Variants in COQ6 observed in about 807,000 individuals in gnomAD.
COQ6 encodes coenzyme Q6, monooxygenase.
In COQ6, 45 loss-of-function variants were observed where a neutral mutation model predicts 55.5. That is an observed-to-expected ratio of 0.81 (90% CI 0.64 to 1.04). The LOEUF is 1.04. COQ6 is among the 50% of genes least tolerant of loss of function. COQ6 has a pLI of 0.00. For missense variants in COQ6, 550 were observed against 601.3 expected, an observed-to-expected ratio of 0.91 and a Z score of 0.89; for synonymous variants, 206 against 230.5, an observed-to-expected ratio of 0.89 and a Z score of 0.96.
At chr14:73,950,853 G>T (rs2056163030) in intron 1 of COQ6, among the ~76,000 whole-genome samples, 1 of 152,224 alleles carries the variant, frequency 6.6e-6, no homozygotes, top group Admixed American at 6.5e-5. Flanking sequence ...TCCAGGTTTT[G>T]ACTTGTATTT....
In COQ6 at chr14:73,950,329, C is replaced by T. The variant is rs376701815; in HGVS notation, c.-4C>T. ...TTCTGAGTGCGACGGCGCAGGTCTGCACCATGGCGGCCCGGCTTGTCAGCC... is the reference window on the plus strand; with the variant it reads ...TTCTGAGTGCGACGGCGCAGGTCTGTACCATGGCGGCCCGGCTTGTCAGCC... On this transcript the variant is annotated 5_prime_UTR_variant, in exon 1 of 12. Coordinates refer to ENST00000334571, the MANE Select transcript of COQ6 (RefSeq NM_182476.3). 17 of 1,550,364 alleles carry T rather than the reference C, an allele frequency of 1.1e-5. No individual in the cohort carries two copies. The highest frequency in any genetic ancestry group is 4.1e-5 in the African/African-American group (3 of 73,462).
At chr14:73,960,027 T>C in intron 8 of COQ6, 1 of 1,020,104 alleles carries the variant, frequency 9.8e-7, no homozygotes, top group Non-Finnish European at 1.2e-6. Flanking sequence ...GGTTGTGGGC[T>C]GCTGTTAGGC....
rs775053324 is a variant in COQ6 at position 73,959,161 on chromosome 14, G to C, written c.721-1G>C. 1 of 1,614,140 alleles carries C rather than the reference G, an allele frequency of 6.2e-7. No individual in the cohort carries two copies. The highest frequency in any genetic ancestry group is 1.7e-5 in the Admixed American group (1 of 60,014). On this transcript the variant is annotated splice_acceptor_variant, in intron 6 of 11. Coordinates refer to ENST00000334571, the MANE Select transcript of COQ6 (RefSeq NM_182476.3). LOFTEE classifies it high-confidence loss of function. ...AGAAACTTTTCTCCTCTCTGTTGCA[G>C]GCCACAGAAAACAACGTAGCCTGGC...
rs1377831831 is a variant in COQ6 at position 73,958,706 on chromosome 14, C to T, written c.613-265C>T. On this transcript the variant is annotated intron_variant, in intron 5 of 11. Transcript: ENST00000334571. ...CCATACTGAAACTTTCCTTATTGCT[C>T]TCTAGTTCAAATATCAGGAGGGCCT... 3.7e-5 allele frequency: 51 copies of T among 1,376,166 alleles called. 1 individual carries two copies. The South Asian group carries it at 5.0e-4, about 14-fold the overall frequency. 85.2% of individuals were successfully genotyped at this position (1,376,166 alleles called of 1,614,324 possible). A position where few individuals can be genotyped will look rare whatever the true frequency, so the allele number is the denominator to read the frequency against.
rs955522766 is a variant in COQ6, at chr14:73,952,534, G to C, written c.164-901G>C. Reference sequence around the variant, plus strand: ...TCAGGTGTGCCACCATGCCTGGCTAGTTAAAAAAAATTTTTTTTTGTAGAG... The same window carrying C: ...TCAGGTGTGCCACCATGCCTGGCTACTTAAAAAAAATTTTTTTTTGTAGAG... On this transcript the variant is annotated intron_variant, in intron 1 of 11. Transcript: ENST00000334571. 7.3e-5 allele frequency among the ~76,000 whole-genome samples: 11 copies of C among 151,618 alleles called. No homozygotes were observed. The East Asian group carries it at 2.1e-3, about 29-fold the overall frequency.
At position 73,953,421 on chromosome 14, in the gene COQ6, T is replaced by G. The variant is rs745761157; in HGVS notation, c.164-14T>G. On this transcript the variant is annotated splice_polypyrimidine_tract_variant and intron_variant, in intron 1 of 11. Coordinates refer to ENST00000334571, the MANE Select transcript of COQ6 (RefSeq NM_182476.3). ...TTGATTTTCCTAAGATGATATAAAT[T>G]TTCTTTTTTTAAGGATATGATATTC... 3.7e-6 allele frequency: 6 copies of G among 1,606,250 alleles called. No homozygotes were observed. The highest frequency in any genetic ancestry group is 3.3e-5 in the Admixed American group (2 of 59,866).
Position 73,961,811 on chromosome 14 carries a change from T to A in COQ6, c.1285T>A (p.Leu429Ile). 1 of 1,614,174 alleles carries A rather than the reference T, an allele frequency of 6.2e-7. No homozygotes were observed. Among genetic ancestry groups the A allele is most frequent in the South Asian group, 1.1e-5 (1 of 91,084 alleles). The change falls in exon 11 of 12, where the codon TTA becomes ATA. Residue 429 changes from leucine (L) to isoleucine (I), a missense_variant. Coordinates refer to ENST00000334571, the MANE Select transcript of COQ6 (RefSeq NM_182476.3). ...HNTALLAATDLLKRLYSTSAS... is the reference protein window; with the variant it reads ...HNTALLAATDILKRLYSTSAS... ...CACTGCTCTTCTGGCTGCTACAGAC[T>A]TACTAAAAAGGCTCTATTCTACCAG...
intron 4 of COQ6, chr14:73,956,570 G>C (rs940592216): frequency 6.5e-5 from 10 of 152,920 alleles, no homozygotes; most frequent in African/African-American, 2.2e-4. Flanking sequence ...GAGTGAAGTT[G>C]TATCTCATTG....
chr14:73,958,978 C>T lies in COQ6; in HGVS notation c.620C>T (p.Ala207Val). ...GCTCATGTGTCCATGCAGATAGGTG[C>T]AGATGGTCACAACTCCGGAGTACGG... is the stretch of plus-strand genomic sequence containing the variant. ...STFQTKLLIGADGHNSGVRQA... is the reference protein window; with the variant it reads ...STFQTKLLIGVDGHNSGVRQA... Residue 207 changes from alanine (A) to valine (V), a missense_variant, in exon 6 of 12, where the codon GCA becomes GTA. Ala to Val is a moderately conservative substitution (Grantham distance 64, BLOSUM62 0). Coordinates refer to ENST00000334571, the MANE Select transcript of COQ6 (RefSeq NM_182476.3). 1 of 1,613,864 alleles carries T rather than the reference C, an allele frequency of 6.2e-7. No homozygotes were observed. The highest frequency in any genetic ancestry group is 1.1e-5 in the South Asian group (1 of 91,058).
intron 8 of COQ6, chr14:73,960,369 C>T (rs1466274899): frequency 4.1e-6 from 4 of 987,062 alleles, no homozygotes; most frequent in African/African-American, 1.7e-5. Context: ...CTGGAGTAGA[C>T]ACAGCCTTTG....
intron 5 of COQ6, 59 bp from the exon 6 acceptor site, chr14:73,958,912 A>G (rs2056572190): frequency 1.9e-6 from 3 of 1,605,346 alleles, no homozygotes; most frequent in African/African-American, 2.7e-5. Context: ...GCAGAGAAAA[A>G]CTTCTGAAGC....
At position 73,953,475 on chromosome 14, in the gene COQ6, C is replaced by T. The variant is rs138571550; in HGVS notation, c.204C>T (p.Leu68=). The stretch of plus-strand genomic sequence containing the variant: ...TTCATGACAAGAAAATCCTGTTGCT[C>T]GAAGCAGGTCCAAAGAAAGTACTGG... ...IHFHDKKILL[L]EAGPKKVLEK... is the part of the protein sequence containing the mutation. The change falls in exon 2 of 12, where the codon CTC becomes CTT. Residue 68 remains leucine, a synonymous_variant. Transcript: ENST00000334571. The T allele has an allele frequency of 4.1e-5, 66 of 1,613,888 alleles. No homozygotes were observed. In the African/African-American group the frequency reaches 8.3e-4, roughly 20 times the overall value.
At chr14:73,950,078 G>A (rs1465215937), upstream of COQ6, 2 of 1,606,504 alleles carry the variant, frequency 1.2e-6, no homozygotes, top group Admixed American at 1.7e-5. Context: ...GGCAGCAGCG[G>A]TGGCAGCGAG....
At chr14:73,959,603 T>G (rs777514074) in intron 8 of COQ6, 81 bp downstream of exon 8, 3 of 1,603,830 alleles carry the variant, frequency 1.9e-6, no homozygotes, top group Admixed American at 1.7e-5. Context: ...TTGAAACGGA[T>G]CCTTGCCAGG....
At chr14:73,957,129 G>A (rs952972440) in intron 4 of COQ6, among the ~76,000 whole-genome samples, 12 of 149,616 alleles carry the variant, frequency 8.0e-5, no homozygotes, top group Admixed American at 6.0e-4. Context: ...ATGGAGTCTC[G>A]CTCTGTCGCC....
At chr14:73,950,535 C>T in intron 1 of COQ6, 40 bp downstream of exon 1, 1 of 1,569,028 alleles carries the variant, frequency 6.4e-7, no homozygotes, top group South Asian at 1.2e-5. Context: ...GGAAACCGGG[C>T]CGCGGAGGCA....
At chr14:73,957,560 CCTGA>C (rs1311159818) in intron 4 of COQ6, among the ~76,000 whole-genome samples, 1 of 152,096 alleles carries the variant, frequency 6.6e-6, no homozygotes, top group Admixed American at 6.5e-5. Context: ...ACCTCAGCCT[CCTGA>C]CTAACTGGGA....
chr14:73,955,761 T>G, intron 3 of COQ6, 44 bp from the exon 4 acceptor site: 1 of 1,614,016 alleles, frequency 6.2e-7, no homozygotes, highest in Non-Finnish European at 8.5e-7. Context: ...TGGAGTGATG[T>G]TTCCCTCTTG....
chr14:73,959,078 G>T lies in COQ6; in HGVS notation c.720G>T (p.Glu240Asp). 3.1e-6 allele frequency: 5 copies of T among 1,614,190 alleles called. No homozygotes were observed. The highest frequency in any genetic ancestry group is 4.2e-6 in the Non-Finnish European group (5 of 1,180,042). Residue 240 changes from glutamate to aspartate, a missense_variant and splice_region_variant, in exon 6 of 12, where the codon GAG becomes GAT. Glu to Asp is a conservative substitution (Grantham distance 45). Transcript: ENST00000334571. ...SAVVATLHLS[E>D]ATENNVAWQR... is the part of the protein sequence containing the mutation. Reference sequence around the variant, plus strand: ...TTGTGGCTACTCTGCATTTATCAGAGGTAAGATCCTGAGCTGCCATCTGGG... The same window carrying T: ...TTGTGGCTACTCTGCATTTATCAGATGTAAGATCCTGAGCTGCCATCTGGG...
Sources: allele counts gnomAD v4.1 joint callset (sites outside exome capture counted in the v4.1 genomes callset), GRCh38; gene constraint gnomAD v4.1.1; transcripts MANE v1.5; gene names NCBI Gene and HGNC (gene_info 2026-07-23, HGNC 2026-07-21).